PDE4D: variants seen among roughly 807,000 people sequenced by gnomAD.
PDE4D encodes the protein phosphodiesterase 4D.
In PDE4D, 24 loss-of-function variants were observed where a neutral mutation model predicts 87.4. The observed-to-expected ratio is 0.27, with a 90% CI of 0.20 to 0.39. The LOEUF (loss-of-function observed/expected upper bound fraction) is 0.39, where lower values mean the gene tolerates loss of function less well. Ranked by LOEUF, PDE4D falls within the 10% of genes least tolerant of loss-of-function variation. The probability of loss-of-function intolerance (pLI) is 1.00; values close to 1 mark genes in which losing one functional copy is unlikely to be tolerated. For synonymous variants in PDE4D, 384 were observed against 383.2 expected (o/e 1.00, Z -0.02); for missense variants, 714 against 1,041.0 (o/e 0.69, Z 4.32).
chr5:59,075,186 T>C (rs370681478), intron 5 of PDE4D, among the ~76,000 whole-genome samples: 36 of 151,800 alleles, frequency 2.4e-4, no homozygotes, highest in East Asian at 1.7e-3. Flanking sequence ...CTAGTTTCCA[T>C]GGATGGAAAC....
At chr5:60,467,630 A>C (rs1207120327) in intron 1 of PDE4D, among the ~76,000 whole-genome samples, 2 of 152,190 alleles carry the variant, frequency 1.3e-5, no homozygotes, top group Middle Eastern at 3.4e-3. Flanking sequence ...CATTTTCTCT[A>C]TTAGTCCGTT....
chr5:59,583,601 T>G (rs1252521066), intron 1 of PDE4D, among the ~76,000 whole-genome samples: 2 of 152,220 alleles, frequency 1.3e-5, no homozygotes, highest in Non-Finnish European at 2.9e-5. Flanking sequence ...ACCACTCTTT[T>G]AGCACGGAAG....
intron 2 of PDE4D, among the ~76,000 whole-genome samples, chr5:60,134,124 T>C (rs1358064214): frequency 6.6e-6 from 1 of 152,218 alleles, no homozygotes; most frequent in African/African-American, 2.4e-5. Context: ...CTATACCAAA[T>C]TTTTATTTTA....
chr5:60,088,441 T>C (rs1774765070), intron 2 of PDE4D, among the ~76,000 whole-genome samples: 1 of 151,988 alleles, frequency 6.6e-6, no homozygotes, highest in African/African-American at 2.4e-5. Context: ...AAGGAAGAAC[T>C]ATTAAATAAT....
At chr5:60,500,925 A>C (rs1295189447) in intron 1 of PDE4D, among the ~76,000 whole-genome samples, 1 of 152,184 alleles carries the variant, frequency 6.6e-6, no homozygotes, top group Non-Finnish European at 1.5e-5. Flanking sequence ...TGAGGCTGAA[A>C]TAGATTAAAT....
rs6882427 is a variant in PDE4D, at chr5:59,893,137, C to T, written c.455+31G>A. 8.3e-3 allele frequency: 12,727 copies of T among 1,538,766 alleles called. 933 individuals are homozygous for T. In the African/African-American group the frequency reaches 0.16, roughly 19 times the overall value. ...GAGAAAAGGGGAGGTGACCCTTTGC[C>T]TGAATGGGGGAGGGGGCGCTCTCCA... On this transcript the variant is annotated intron_variant, in intron 1 of 14. Transcript: ENST00000340635.
intron 1 of PDE4D, among the ~76,000 whole-genome samples, chr5:59,298,826 C>T (rs1769625240): frequency 6.6e-6 from 1 of 152,072 alleles, no homozygotes; most frequent in Non-Finnish European, 1.5e-5. Flanking sequence ...CAAATGTAGT[C>T]TAGAGAGAAT....
intron 1 of PDE4D, among the ~76,000 whole-genome samples, chr5:59,274,213 C>T (rs992358647): frequency 9.2e-5 from 14 of 152,030 alleles, no homozygotes; most frequent in African/African-American, 2.9e-4. Flanking sequence ...ATTTATTGCA[C>T]GTGTTATTTT....
chr5:60,120,708 T>C (rs1778596993), intron 2 of PDE4D, among the ~76,000 whole-genome samples: 1 of 152,148 alleles, frequency 6.6e-6, no homozygotes, highest in Non-Finnish European at 1.5e-5. Flanking sequence ...TGGCGAAGTT[T>C]ATACTCCCAC....
intron 3 of PDE4D, chr5:59,987,102 G>A (rs1169148629): frequency 1.3e-5 from 2 of 152,152 alleles, no homozygotes; most frequent in South Asian, 2.1e-4. Flanking sequence ...GCTGAATTAT[G>A]AGAGCTCTGC....
At chr5:59,978,914 A>AT (rs111974987) in intron 3 of PDE4D, among the ~76,000 whole-genome samples, 66 of 147,478 alleles carry the variant, frequency 4.5e-4, no homozygotes, top group South Asian at 1.7e-3. Context: ...GGTTGTTAGC[A>AT]TTTTTTTTTT....
chr5:59,382,470 A>C (rs1001055028), intron 1 of PDE4D, among the ~76,000 whole-genome samples: 2 of 152,180 alleles, frequency 1.3e-5, no homozygotes, highest in Non-Finnish European at 2.9e-5. Flanking sequence ...TTTTCTAGTA[A>C]ATTTGGCAAA....
At chr5:60,122,888 A>T (rs991752807) in intron 2 of PDE4D, among the ~76,000 whole-genome samples, 1 of 152,290 alleles carries the variant, frequency 6.6e-6, no homozygotes. Context: ...CTTTAACAGC[A>T]CTCAAGTCAC....
intron 1 of PDE4D, among the ~76,000 whole-genome samples, chr5:59,822,024 A>T (rs1042698716): frequency 6.6e-6 from 1 of 152,156 alleles, no homozygotes; most frequent in Non-Finnish European, 1.5e-5. Context: ...CAATCGTTAT[A>T]AATAAATTTT....
In PDE4D at chr5:59,381,319, T is replaced by C. The variant is rs971725298; in HGVS notation, c.456-165351A>G. 2.0e-5 allele frequency among the ~76,000 whole-genome samples: 3 copies of C among 152,284 alleles called. No homozygotes were observed. The East Asian group carries it at 5.8e-4, about 29-fold the overall frequency. On this transcript the variant is annotated intron_variant, in intron 1 of 14. Transcript: ENST00000340635. Reference sequence around the variant, plus strand: ...TAATATGATTATATTGGAGAGAATATAATGAGATCAAATCGCTTTACCCAT... The same window carrying C: ...TAATATGATTATATTGGAGAGAATACAATGAGATCAAATCGCTTTACCCAT...
At chr5:59,066,238 G>A (rs1763904039) in intron 5 of PDE4D, among the ~76,000 whole-genome samples, 1 of 152,140 alleles carries the variant, frequency 6.6e-6, no homozygotes, top group Non-Finnish European at 1.5e-5. Context: ...GAGCAACTGT[G>A]TGATAAGGGC....
At chr5:59,208,845 G>T (rs1179951154) in intron 2 of PDE4D, among the ~76,000 whole-genome samples, 1 of 151,986 alleles carries the variant, frequency 6.6e-6, no homozygotes, top group Non-Finnish European at 1.5e-5. Flanking sequence ...ATAGTAAAAA[G>T]GTATTCTAGT....
intron 1 of PDE4D, among the ~76,000 whole-genome samples, chr5:60,244,211 C>T (rs1312945758): frequency 6.6e-6 from 1 of 151,652 alleles, no homozygotes; most frequent in Non-Finnish European, 1.5e-5. Flanking sequence ...ATGATAGCTA[C>T]AAATTAAATA....
chr5:59,314,227 AC>A (rs1773240950), intron 1 of PDE4D: 1 of 152,078 alleles, frequency 6.6e-6, no homozygotes, highest in Admixed American at 6.6e-5. Context: ...AACTTATTCA[AC>A]CCCCTCACTT....
Sources: gnomAD v4.1 joint callset for allele counts (sites outside exome capture counted in the v4.1 genomes callset) on GRCh38, gnomAD v4.1.1 for gene constraint, MANE v1.5 for transcripts, NCBI Gene and HGNC (gene_info 2026-07-23, HGNC 2026-07-21) for gene names.